CSMD1: variants seen among roughly 807,000 people sequenced by gnomAD.
CSMD1 encodes the protein CUB and sushi domain-containing protein 1.
A neutral mutation model predicts 417.5 loss-of-function variants in CSMD1; 213 were observed. That is an observed-to-expected ratio of 0.51 (90% CI 0.46 to 0.57). The LOEUF (loss-of-function observed/expected upper bound fraction) is 0.57. CSMD1 is among the 20% of genes least tolerant of loss of function. The probability of loss-of-function intolerance (pLI) is 0.00; values close to 1 mark genes in which losing one functional copy is unlikely to be tolerated. For missense variants in CSMD1, 6,923 were observed against 4,529.7 expected (o/e 1.53, Z -15.17); for synonymous variants, 2,862 against 1,736.8 (o/e 1.65, Z -16.11).
rs530628528 is a variant in CSMD1 at position 4,595,725 on chromosome 8, G to C, written c.302+41617C>G. 6.6e-5 allele frequency among the ~76,000 whole-genome samples: 10 copies of C among 152,208 alleles called. No individual in the cohort carries two copies. In the East Asian group the frequency reaches 1.6e-3, roughly 24 times the overall value. Reference sequence around the variant, plus strand: ...GAGGCCAGCCTAGGCAACATAGGTAGACTTTGTTTCTAAAAAACAAAGCAA... The same window carrying C: ...GAGGCCAGCCTAGGCAACATAGGTACACTTTGTTTCTAAAAAACAAAGCAA... On this transcript the variant is annotated intron_variant, in intron 2 of 69. Transcript: ENST00000635120.
In CSMD1 at chr8:3,995,769, A is replaced by G. The variant is rs540487886; in HGVS notation, c.818+2134T>C. Among the ~76,000 whole-genome samples, 4 of 152,390 alleles carry G rather than the reference A, an allele frequency of 2.6e-5. No homozygotes were observed. The South Asian group carries it at 8.3e-4, about 32-fold the overall frequency. Reference sequence around the variant, plus strand: ...TATAAGTCATCCCAAGAATACAAGTATAAATACAACTCTATCCCCGGCTAA... The same window carrying G: ...TATAAGTCATCCCAAGAATACAAGTGTAAATACAACTCTATCCCCGGCTAA... On this transcript the variant is annotated intron_variant, in intron 5 of 69. Coordinates refer to ENST00000635120, the MANE Select transcript of CSMD1 (RefSeq NM_033225.6).
chr8:4,147,613 G>T (rs902439175), intron 3 of CSMD1, among the ~76,000 whole-genome samples: 3 of 152,094 alleles, frequency 2.0e-5, no homozygotes, highest in African/African-American at 7.2e-5. Flanking sequence ...CCCTAATGCA[G>T]CTGGACATGT....
intron 10 of CSMD1, among the ~76,000 whole-genome samples, chr8:3,561,121 A>G (rs943873090): frequency 6.6e-6 from 1 of 152,220 alleles, no homozygotes; most frequent in African/African-American, 2.4e-5. Flanking sequence ...CAGCATGGCT[A>G]TTATTAAAAT....
At chr8:4,813,062 C>G (rs1044607753) in intron 1 of CSMD1, among the ~76,000 whole-genome samples, 1 of 152,190 alleles carries the variant, frequency 6.6e-6, no homozygotes, top group South Asian at 2.1e-4. Flanking sequence ...TAAGATCCCT[C>G]TGGCAGAGGT....
chr8:4,018,142 G>A (rs1489035115), intron 4 of CSMD1, among the ~76,000 whole-genome samples: 2 of 152,026 alleles, frequency 1.3e-5, no homozygotes, highest in South Asian at 2.1e-4. Context: ...GTGTTTTTAT[G>A]TCTTTTTTCA....
intron 1 of CSMD1, among the ~76,000 whole-genome samples, chr8:4,862,452 C>A (rs1475630580): frequency 2.6e-5 from 4 of 151,922 alleles, no homozygotes; most frequent in Admixed American, 6.6e-5. Context: ...GCATGTGTGA[C>A]TACATTAAAA....
chr8:4,300,730 T>C (rs1242292203), intron 3 of CSMD1, among the ~76,000 whole-genome samples: 1 of 152,158 alleles, frequency 6.6e-6, no homozygotes, highest in Non-Finnish European at 1.5e-5. Context: ...TTCCCCTTCC[T>C]GCGTCCACGT....
chr8:4,246,527 C>A (rs1018739540), intron 3 of CSMD1, among the ~76,000 whole-genome samples: 5 of 152,028 alleles, frequency 3.3e-5, no homozygotes, highest in African/African-American at 1.2e-4. Context: ...GTGAAAATTA[C>A]TTTTTTTACT....
At chr8:4,666,819 G>A (rs140838887) in intron 1 of CSMD1, among the ~76,000 whole-genome samples, 1 of 151,758 alleles carries the variant, frequency 6.6e-6, no homozygotes, top group East Asian at 1.9e-4. Flanking sequence ...TTTTCTTAAC[G>A]GTGTGTTTTG....
chr8:3,508,503 T>C (rs933267932), intron 10 of CSMD1, among the ~76,000 whole-genome samples: 3 of 111,082 alleles, frequency 2.7e-5, no homozygotes, highest in Non-Finnish European at 5.6e-5. Context: ...ACTTAAAGTA[T>C]AATAAAAAAA....
chr8:4,379,108 T>A (rs532172317), intron 3 of CSMD1, among the ~76,000 whole-genome samples: 56 of 152,322 alleles, frequency 3.7e-4, no homozygotes, highest in African/African-American at 1.1e-3. Flanking sequence ...GTAATTAATG[T>A]TAACATCATA....
chr8:4,253,234 A>T (rs1803206947), intron 3 of CSMD1, among the ~76,000 whole-genome samples: 1 of 152,204 alleles, frequency 6.6e-6, no homozygotes. Flanking sequence ...CATGGCCCAG[A>T]TAAAATGACA....
chr8:3,165,107 A>G (rs926621090), intron 37 of CSMD1, among the ~76,000 whole-genome samples: 5 of 152,102 alleles, frequency 3.3e-5, no homozygotes, highest in Non-Finnish European at 5.9e-5. Flanking sequence ...AGTTCTATGC[A>G]GAGCACAATA....
At chr8:4,836,632 T>G (rs1800510798) in intron 1 of CSMD1, among the ~76,000 whole-genome samples, 2 of 152,230 alleles carry the variant, frequency 1.3e-5, no homozygotes, top group Non-Finnish European at 2.9e-5. Flanking sequence ...TTCTTACTCT[T>G]AAAAGGCAGT....
chr8:4,665,030 T>G (rs1563096557), intron 1 of CSMD1, among the ~76,000 whole-genome samples: 1 of 152,204 alleles, frequency 6.6e-6, no homozygotes, highest in Admixed American at 6.5e-5. Context: ...TATTTTAATT[T>G]TCAAACTGTT....
chr8:3,936,429 C>T (rs1162590171), intron 5 of CSMD1, among the ~76,000 whole-genome samples: 1 of 152,156 alleles, frequency 6.6e-6, no homozygotes, highest in Non-Finnish European at 1.5e-5. Flanking sequence ...GACAGGCTGA[C>T]TCTCTTCTTA....
At chr8:4,267,512 G>C (rs1208458103) in intron 3 of CSMD1, among the ~76,000 whole-genome samples, 1 of 151,646 alleles carries the variant, frequency 6.6e-6, no homozygotes, top group Non-Finnish European at 1.5e-5. Context: ...AACGCAGTAA[G>C]TATTGATCCC....
At position 3,348,175 on chromosome 8, in the gene CSMD1, G is replaced by C. The variant is rs772508179; in HGVS notation, c.3305-14C>G. On this transcript the variant is annotated splice_polypyrimidine_tract_variant and intron_variant, in intron 21 of 69. Transcript: ENST00000635120. ...CTCCACATTCGGCTACAATAAATAGGACATGAGAGAAAGAGGATTCAAAAG... is the reference window on the plus strand; with the variant it reads ...CTCCACATTCGGCTACAATAAATAGCACATGAGAGAAAGAGGATTCAAAAG... 3.1e-6 allele frequency: 5 copies of C among 1,600,648 alleles called. No homozygotes were observed. The highest frequency in any genetic ancestry group is 1.3e-5 in the African/African-American group (1 of 74,224).
chr8:4,380,455 G>A (rs1208084787), intron 3 of CSMD1, among the ~76,000 whole-genome samples: 4 of 152,224 alleles, frequency 2.6e-5, no homozygotes, highest in East Asian at 1.9e-4. Context: ...TTTACCAGTC[G>A]GCCTCCAATC....
Sources: gnomAD v4.1 joint callset for allele counts (sites outside exome capture counted in the v4.1 genomes callset) on GRCh38, gnomAD v4.1.1 for gene constraint, MANE v1.5 for transcripts, NCBI Gene and HGNC (gene_info 2026-07-23, HGNC 2026-07-21) for gene names.